ITPR1: variants seen among roughly 807,000 people sequenced by gnomAD.
ITPR1 encodes inositol 1,4,5-trisphosphate receptor type 1.
In ITPR1, 96 loss-of-function variants were observed where a neutral mutation model predicts 318.4. The observed-to-expected ratio is 0.30, with a 90% confidence interval of 0.26 to 0.36. The LOEUF is 0.36. Ranked by LOEUF, ITPR1 falls within the 10% of genes least tolerant of loss-of-function variation. The pLI is 1.00. For missense variants in ITPR1, 2,440 were observed against 3,460.2 expected, an observed-to-expected ratio of 0.71 and a Z score of 7.40; for synonymous variants, 1,312 against 1,289.9, an observed-to-expected ratio of 1.02 and a Z score of -0.37.
intron 30 of ITPR1, among the ~76,000 whole-genome samples, chr3:4,686,359 C>T (rs1054673485): frequency 1.3e-5 from 2 of 152,294 alleles, no homozygotes; most frequent in African/African-American, 4.8e-5. Flanking sequence ...TAATCCCTGT[C>T]GTAGGTATAA....
intron 40 of ITPR1, among the ~76,000 whole-genome samples, chr3:4,723,861 G>A (rs1025061863): frequency 6.6e-6 from 1 of 151,994 alleles, no homozygotes; most frequent in African/African-American, 2.4e-5. Flanking sequence ...CTATATCTCT[G>A]TCTGCTCTAA....
chr3:4,668,615 G>T (rs941783713), intron 18 of ITPR1, among the ~76,000 whole-genome samples: 2 of 152,040 alleles, frequency 1.3e-5, no homozygotes, highest in African/African-American at 4.8e-5. Context: ...CTACAGGCAC[G>T]TGCCACCACA....
chr3:4,678,643 CTG>C (rs2094233240), intron 24 of ITPR1, among the ~76,000 whole-genome samples: 1 of 152,162 alleles, frequency 6.6e-6, no homozygotes, highest in Non-Finnish European at 1.5e-5. Flanking sequence ...TCTTCTGAGA[CTG>C]GAGTCCGGGA....
At chr3:4,508,073 G>A (rs942419926) in intron 2 of ITPR1, among the ~76,000 whole-genome samples, 5 of 152,132 alleles carry the variant, frequency 3.3e-5, no homozygotes, top group Admixed American at 6.5e-5. Context: ...GGGACGAGGC[G>A]AGGGGTTGCA....
At position 4,710,216 on chromosome 3, in the gene ITPR1, T is replaced by G; in HGVS notation, c.4843-109T>G. On this transcript the variant is annotated intron_variant, in intron 37 of 61. Coordinates refer to ENST00000649015, the MANE Select transcript of ITPR1 (RefSeq NM_001378452.1). The surrounding 1 kb of genome is among the most constrained non-coding windows in gnomAD (Gnocchi z 4.2). ...ATGCCAGACGGTACTAAAGTTACTC[T>G]AACCTAGCCTACCCGTGCATCAGTG... 9.3e-7 allele frequency: 1 copy of G among 1,070,790 alleles called. No homozygotes were observed. 66.3% of individuals were successfully genotyped at this position (1,070,790 alleles called of 1,614,324 possible). A position where few individuals can be genotyped will look rare whatever the true frequency, so the allele number is the denominator to read the frequency against.
chr3:4,833,520 AGT>A (rs1266373772), intron 60 of ITPR1, among the ~76,000 whole-genome samples: 2 of 152,244 alleles, frequency 1.3e-5, no homozygotes, highest in African/African-American at 4.8e-5. Flanking sequence ...GTCAGTAATA[AGT>A]GAGCTACAGG....
chr3:4,699,264 C>T lies in ITPR1; in HGVS notation c.4408-549C>T, dbSNP rs113817990. ...CCCAGCTACTTGGGAGGCTGAGGCA[C>T]GAGAATCACTTGAACCTGGAAAATG... On this transcript the variant is annotated intron_variant, in intron 34 of 61. Coordinates refer to ENST00000649015, the MANE Select transcript of ITPR1 (RefSeq NM_001378452.1). Among the ~76,000 whole-genome samples, 1,334 of 151,684 alleles carry T rather than the reference C, an allele frequency of 8.8e-3. 19 individuals carry two copies. The highest frequency in any genetic ancestry group is 0.029 in the African/African-American group (1,219 of 41,354).
At position 4,788,093 on chromosome 3, in the gene ITPR1, G is replaced by A; in HGVS notation, c.6762G>A (p.Arg2254=). Residue 2254 remains arginine (R), a synonymous_variant, in exon 52 of 62, where the codon CGG becomes CGA. Coordinates refer to ENST00000649015, the MANE Select transcript of ITPR1 (RefSeq NM_001378452.1). ...QGSKINDFFL[R]SEDLFNEMNW... ...GCAAAATCAATGATTTCTTTCTGCGGTCTGAAGACCTCTTCAATGAAATGA... is the reference window on the plus strand; with the variant it reads ...GCAAAATCAATGATTTCTTTCTGCGATCTGAAGACCTCTTCAATGAAATGA... The A allele has an allele frequency of 6.2e-7, 1 of 1,609,924 alleles. No individual in the cohort carries two copies. Among genetic ancestry groups the A allele is most frequent in the Non-Finnish European group, 8.5e-7 (1 of 1,178,020 alleles).
At chr3:4,595,949 G>T (rs1239822809) in intron 4 of ITPR1, 1 of 152,114 alleles carries the variant, frequency 6.6e-6, no homozygotes, top group Non-Finnish European at 1.5e-5. Flanking sequence ...TGGCCTAAGT[G>T]CAGCCTGCCC....
At chr3:4,804,807 G>A (rs116439772) in intron 54 of ITPR1, among the ~76,000 whole-genome samples, 1,755 of 152,280 alleles carry the variant, frequency 0.012, 23 homozygotes, top group African/African-American at 0.039. Context: ...AGCCAGCAGC[G>A]ATCTGTGGGT....
rs545159962 is a variant in ITPR1, at chr3:4,847,435, A to T, written c.*1210A>T. ...CAGTTTAAAAATGCATTGAAAGCAGAGTTCTGAAATGAGTAAAGTTTGTAA... is the reference window on the plus strand; with the variant it reads ...CAGTTTAAAAATGCATTGAAAGCAGTGTTCTGAAATGAGTAAAGTTTGTAA... On this transcript the variant is annotated 3_prime_UTR_variant, in exon 62 of 62. Transcript: ENST00000649015. The T allele has an allele frequency of 6.6e-6, 1 of 151,998 alleles. No individual in the cohort carries two copies. The highest frequency in any genetic ancestry group is 1.5e-5 in the Non-Finnish European group (1 of 67,942). The allele number at this position is 151,998 out of a possible 1,614,324, so 9.4% of individuals were successfully genotyped here.
chr3:4,823,898 C>T (rs1347029064), intron 60 of ITPR1, among the ~76,000 whole-genome samples: 1 of 152,122 alleles, frequency 6.6e-6, no homozygotes, highest in Non-Finnish European at 1.5e-5. Context: ...AAATATAAGA[C>T]ATGTCTTCTG....
In ITPR1 at chr3:4,653,839, C is replaced by T; in HGVS notation, c.952-3C>T. The T allele has an allele frequency of 6.2e-7, 1 of 1,605,758 alleles. No individual in the cohort carries two copies. The highest frequency in any genetic ancestry group is 8.5e-7 in the Non-Finnish European group (1 of 1,174,086). Reference sequence around the variant, plus strand: ...TAATTTCCTAATGATTCTTTTTCATCAGGTAGACCCTGACTTTGAGGAAGA... The same window carrying T: ...TAATTTCCTAATGATTCTTTTTCATTAGGTAGACCCTGACTTTGAGGAAGA... On this transcript the variant is annotated splice_polypyrimidine_tract_variant and splice_region_variant and intron_variant, in intron 11 of 61. Coordinates refer to ENST00000649015, the MANE Select transcript of ITPR1 (RefSeq NM_001378452.1).
At chr3:4,787,883 G>A in intron 51 of ITPR1, 64 bp from the exon 52 acceptor site, 1 of 1,175,004 alleles carries the variant, frequency 8.5e-7, no homozygotes, top group Non-Finnish European at 1.2e-6. Flanking sequence ...ACCACCAGTA[G>A]CAAATAGTCT....
chr3:4,819,063 G>A (rs528089943), intron 60 of ITPR1, among the ~76,000 whole-genome samples: 63 of 152,250 alleles, frequency 4.1e-4, no homozygotes, highest in Non-Finnish European at 4.0e-4. Context: ...TTGAGTGCTC[G>A]GCCTGATAAT....
intron 4 of ITPR1, among the ~76,000 whole-genome samples, chr3:4,526,628 C>A (rs909311701): frequency 6.6e-6 from 1 of 152,210 alleles, no homozygotes; most frequent in African/African-American, 2.4e-5. Context: ...AAAGCACTTC[C>A]TTTGAATTAT....
chr3:4,637,719 A>G (rs1012615747), intron 5 of ITPR1, among the ~76,000 whole-genome samples: 1 of 152,102 alleles, frequency 6.6e-6, no homozygotes, highest in Non-Finnish European at 1.5e-5. Flanking sequence ...CCCTCCTGTA[A>G]TATGGTTTCA....
rs201693219 is a variant in ITPR1, at chr3:4,652,196, C to T, written c.929C>T (p.Thr310Met). 3.4e-5 allele frequency: 55 copies of T among 1,612,088 alleles called. No individual in the cohort carries two copies. Among genetic ancestry groups the T allele is most frequent in the East Asian group, 8.9e-5 (4 of 44,838 alleles). The change falls in exon 11 of 62, where the codon ACG (threonine) becomes ATG (methionine). Residue 310 changes from threonine (T) to methionine (M), a missense_variant. By Grantham distance (81) the Thr-to-Met change is moderately conservative (BLOSUM62 -1). Around this residue, in one of 23 missense-constraint regions of ITPR1, gnomAD observed 32 missense variants for 62.7 expected, o/e 0.51. Coordinates refer to ENST00000649015, the MANE Select transcript of ITPR1 (RefSeq NM_001378452.1). ...NSLFRFKHLA[T>M]GHYLAAEVDP... is the part of the protein sequence containing the mutation. ...CTTTTCCGTTTCAAGCATCTGGCCA[C>T]GGGGCATTACTTGGCAGCAGAGGTA...
At chr3:4,568,638 T>C (rs988788735) in intron 4 of ITPR1, among the ~76,000 whole-genome samples, 26 of 152,086 alleles carry the variant, frequency 1.7e-4, no homozygotes, top group Admixed American at 2.0e-4. Context: ...CCAGCAAAGG[T>C]AACGCAGCCT....
Sources: gnomAD v4.1 joint callset for allele counts (sites outside exome capture counted in the v4.1 genomes callset) on GRCh38, gnomAD v4.1.1 for gene constraint, gnomAD v4.1.1 regional missense constraint, Gnocchi (gnomAD v3.1) non-coding constraint, MANE v1.5 for transcripts, NCBI Gene and HGNC (gene_info 2026-07-23, HGNC 2026-07-21) for gene names.